Variants in GRB14 observed in about 807,000 individuals in gnomAD.
GRB14 encodes the protein growth factor receptor-bound protein 14.
In GRB14, 38 loss-of-function variants were observed where a neutral mutation model predicts 69.1. The ratio of observed to expected loss-of-function variants is 0.55; its 90% CI spans 0.42 to 0.72. The LOEUF (loss-of-function observed/expected upper bound fraction) is 0.72, where lower values mean the gene tolerates loss of function less well. Among genes scored for constraint, GRB14 ranks in the 30% least tolerant of loss-of-function variants. The probability of loss-of-function intolerance (pLI) is 0.00; values close to 1 mark genes in which losing one functional copy is unlikely to be tolerated. For synonymous variants in GRB14, 247 were observed against 241.3 expected (o/e 1.02, Z -0.22); for missense variants, 666 against 666.1 (o/e 1.00, Z 0.00).
chr2:164,502,516 A>C lies in GRB14; in HGVS notation c.1024-181T>G, dbSNP rs3791352. Among the ~76,000 whole-genome samples, 193 of 152,232 alleles carry C rather than the reference A, an allele frequency of 1.3e-3. 6 individuals carry two copies. In the East Asian group the frequency reaches 0.034, roughly 27 times the overall value. On this transcript the variant is annotated intron_variant, in intron 8 of 13. Transcript: ENST00000263915. The stretch of plus-strand genomic sequence containing the variant: ...CCTGCAACAATACATTTAAAAAGAC[A>C]ATTGAAGTCTTTTACTTAGACCTAC...
At chr2:164,616,196 G>A (rs1338875266) in intron 2 of GRB14, among the ~76,000 whole-genome samples, 1 of 151,988 alleles carries the variant, frequency 6.6e-6, no homozygotes, top group African/African-American at 2.4e-5. Context: ...AGGCCAAGGC[G>A]GGTGGATCAT....
chr2:164,596,143 A>G (rs1220791486), intron 2 of GRB14, among the ~76,000 whole-genome samples: 1 of 152,168 alleles, frequency 6.6e-6, no homozygotes, highest in African/African-American at 2.4e-5. Context: ...ATAGAAACAC[A>G]GACTGAATTC....
chr2:164,493,783 G>A lies in GRB14; in HGVS notation c.1477-601C>T, dbSNP rs115616529. 7.9e-3 allele frequency among the ~76,000 whole-genome samples: 1,178 copies of A among 149,014 alleles called. 14 individuals are homozygous for A. Among genetic ancestry groups the A allele is most frequent in the African/African-American group, 0.028 (1,131 of 40,880 alleles). On this transcript the variant is annotated intron_variant, in intron 13 of 13. Transcript: ENST00000263915. Reference sequence around the variant, plus strand: ...CCAAAAAGAGGCAATTCAAAAGGACGCACTAGTAATTTAGCAATACTATGG... The same window carrying A: ...CCAAAAAGAGGCAATTCAAAAGGACACACTAGTAATTTAGCAATACTATGG...
At chr2:164,616,788 T>TTTTA (rs1690309160) in intron 2 of GRB14, among the ~76,000 whole-genome samples, 1 of 152,178 alleles carries the variant, frequency 6.6e-6, no homozygotes, top group Non-Finnish European at 1.5e-5. Context: ...ATCACTAAAA[T>TTTTA]GACTGGAATG....
At chr2:164,511,253 C>T (rs1447254070) in intron 6 of GRB14, among the ~76,000 whole-genome samples, 1 of 152,202 alleles carries the variant, frequency 6.6e-6, no homozygotes, top group Non-Finnish European at 1.5e-5. Context: ...TTGGAGGGCA[C>T]ACAAGCTGGT....
chr2:164,497,791 A>ACTTAT (rs1424820402), intron 9 of GRB14, among the ~76,000 whole-genome samples: 1 of 152,176 alleles, frequency 6.6e-6, no homozygotes, highest in Admixed American at 6.5e-5. Context: ...TCTAAAACAA[A>ACTTAT]CTTATCTTTT....
At chr2:164,517,870 A>G (rs1032796403) in intron 6 of GRB14, among the ~76,000 whole-genome samples, 6 of 152,190 alleles carry the variant, frequency 3.9e-5, no homozygotes, top group African/African-American at 1.2e-4. Context: ...TTTATAAAAC[A>G]ATTTCTACTA....
In GRB14 at chr2:164,619,693, T is replaced by C; in HGVS notation, c.318A>G (p.Lys106=). 6.3e-7 allele frequency: 1 copy of C among 1,578,314 alleles called. No homozygotes were observed. Among genetic ancestry groups the C allele is most frequent in the Non-Finnish European group, 8.6e-7 (1 of 1,169,442 alleles). ...AAAATTTAAAAATGCATACCTGTTT[T>C]TTCCTTGAATTTGCTTTGGGAAATA... The part of the protein sequence containing the change: ...ADLFPKANSR[K]KQVIKVYSED... Residue 106 remains lysine (K), a synonymous_variant, in exon 2 of 14, where the codon AAA becomes AAG. Coordinates refer to ENST00000263915, the MANE Select transcript of GRB14 (RefSeq NM_004490.3).
At chr2:164,534,306 C>T (rs1688025513) in intron 3 of GRB14, among the ~76,000 whole-genome samples, 1 of 151,924 alleles carries the variant, frequency 6.6e-6, no homozygotes, top group African/African-American at 2.4e-5. Context: ...ATGAATTGTA[C>T]CTTCCCCCAA....
At chr2:164,583,951 A>G (rs1406718606) in intron 2 of GRB14, among the ~76,000 whole-genome samples, 1 of 151,796 alleles carries the variant, frequency 6.6e-6, no homozygotes, top group African/African-American at 2.4e-5. Flanking sequence ...AGGCATTATA[A>G]TAAAATCCTA....
At chr2:164,559,298 A>G (rs1688760906) in intron 2 of GRB14, among the ~76,000 whole-genome samples, 1 of 151,062 alleles carries the variant, frequency 6.6e-6, no homozygotes, top group African/African-American at 2.4e-5. Flanking sequence ...TTCTTATTTT[A>G]TTTTATTTTT....
chr2:164,541,789 T>C (rs1170279377), intron 3 of GRB14, among the ~76,000 whole-genome samples: 1 of 152,122 alleles, frequency 6.6e-6, no homozygotes, highest in Non-Finnish European at 1.5e-5. Flanking sequence ...GAGGTCTGGA[T>C]ACAATCGCAC....
At chr2:164,516,537 C>A (rs1361052732) in intron 6 of GRB14, among the ~76,000 whole-genome samples, 1 of 151,568 alleles carries the variant, frequency 6.6e-6, no homozygotes, top group African/African-American at 2.4e-5. Flanking sequence ...GATCTCTCAG[C>A]AGAAACACTA....
At chr2:164,561,506 G>T (rs1048381800) in intron 2 of GRB14, among the ~76,000 whole-genome samples, 3 of 152,142 alleles carry the variant, frequency 2.0e-5, no homozygotes, top group African/African-American at 4.8e-5. Context: ...AGAGCAAAAG[G>T]CAGATTGGCA....
At chr2:164,498,017 A>AAAT (rs1477159120) in intron 9 of GRB14, among the ~76,000 whole-genome samples, 1 of 152,214 alleles carries the variant, frequency 6.6e-6, no homozygotes, top group Non-Finnish European at 1.5e-5. Flanking sequence ...ATCTCTTGAG[A>AAAT]AATAATACTC....
At chr2:164,614,128 T>A (rs566070874) in intron 2 of GRB14, among the ~76,000 whole-genome samples, 1 of 152,188 alleles carries the variant, frequency 6.6e-6, no homozygotes, top group African/African-American at 2.4e-5. Flanking sequence ...GCTTCAACAC[T>A]GCTACAAAGA....
In GRB14 at chr2:164,494,073, G is replaced by T. The variant is rs547895796; in HGVS notation, c.1476+358C>A. Among the ~76,000 whole-genome samples, 14 of 152,286 alleles carry T rather than the reference G, an allele frequency of 9.2e-5. No individual in the cohort carries two copies. In the South Asian group the frequency reaches 2.9e-3, roughly 32 times the overall value. ...AACAAAAAAAACATTTTTGAGAGAA[G>T]AGAGGAGAAAAGGCTTTAAAGTAAT... On this transcript the variant is annotated intron_variant, in intron 13 of 13. Coordinates refer to ENST00000263915, the MANE Select transcript of GRB14 (RefSeq NM_004490.3).
rs920196846 is a variant in GRB14 at position 164,621,043 on chromosome 2, C to CGTGA, written c.191+75_191+76insTCAC. 5.1e-6 allele frequency: 6 copies of CGTGA among 1,184,600 alleles called. No individual in the cohort carries two copies. Among genetic ancestry groups the CGTGA allele is most frequent in the Non-Finnish European group, 6.4e-6 (6 of 935,120 alleles). 73.4% of individuals were successfully genotyped at this position (1,184,600 alleles called of 1,614,324 possible). A position where few individuals can be genotyped will look rare whatever the true frequency, so the allele number is the denominator to read the frequency against. On this transcript the variant is annotated intron_variant, in intron 1 of 13. Coordinates refer to ENST00000263915, the MANE Select transcript of GRB14 (RefSeq NM_004490.3). The surrounding 1 kb of genome is among the most constrained non-coding windows in gnomAD (Gnocchi z 6.0). ...GCCCAGCTCTGGGCACATGGCTCACCCCCTAGGACCGCCTCCTCACCCCCT... is the reference window on the plus strand; with the variant it reads ...GCCCAGCTCTGGGCACATGGCTCACCGTGACCCTAGGACCGCCTCCTCACCCCCT...
chr2:164,497,557 A>G, intron 9 of GRB14, 67 bp from the exon 10 acceptor site: 2 of 1,074,240 alleles, frequency 1.9e-6, no homozygotes, highest in Non-Finnish European at 2.8e-6. Flanking sequence ...ATAAATTGAA[A>G]GTGTTTTTCA....
Sources: gnomAD v4.1 joint callset for allele counts (sites outside exome capture counted in the v4.1 genomes callset) on GRCh38, gnomAD v4.1.1 for gene constraint, Gnocchi (gnomAD v3.1) non-coding constraint, MANE v1.5 for transcripts, NCBI Gene and HGNC (gene_info 2026-07-23, HGNC 2026-07-21) for gene names.